Variants in UBR3 observed in about 807,000 individuals in gnomAD.
The protein encoded by UBR3 is E3 ubiquitin-protein ligase UBR3.
In UBR3, 85 loss-of-function variants were observed where a neutral mutation model predicts 243.2. That is an observed-to-expected ratio of 0.35 (90% CI 0.29 to 0.42). The LOEUF (loss-of-function observed/expected upper bound fraction) is 0.42, where lower values mean the gene tolerates loss of function less well. UBR3 is among the 10% of genes least tolerant of loss of function. UBR3 has a pLI of 1.00. For missense variants in UBR3, 1,686 were observed against 2,300.8 expected (o/e 0.73, Z 5.47); for synonymous variants, 748 against 799.8 (o/e 0.94, Z 1.09).
At chr2:169,889,567 C>G (rs2105322897) in intron 5 of UBR3, among the ~76,000 whole-genome samples, 1 of 152,188 alleles carries the variant, frequency 6.6e-6, no homozygotes, top group African/African-American at 2.4e-5. Context: ...ATATTTCTTT[C>G]TGGTGAATTT....
At chr2:170,044,649 C>T (rs574703221) in intron 32 of UBR3, among the ~76,000 whole-genome samples, 7 of 152,152 alleles carry the variant, frequency 4.6e-5, no homozygotes, top group Non-Finnish European at 8.8e-5. Flanking sequence ...AAAGAAGAAA[C>T]CAAATTAACA....
chr2:170,058,793 G>A (rs2091396985), intron 33 of UBR3, among the ~76,000 whole-genome samples: 1 of 152,146 alleles, frequency 6.6e-6, no homozygotes, highest in Admixed American at 6.5e-5. Context: ...TGGGATTACA[G>A]GCGTGAGCCA....
At chr2:169,879,963 G>T (rs944162867) in intron 5 of UBR3, among the ~76,000 whole-genome samples, 1 of 152,154 alleles carries the variant, frequency 6.6e-6, no homozygotes, top group East Asian at 1.9e-4. Flanking sequence ...GGAGGGGAAT[G>T]GTGGAAGTAA....
chr2:170,065,290 T>C (rs909215285), intron 35 of UBR3, among the ~76,000 whole-genome samples: 4 of 151,886 alleles, frequency 2.6e-5, no homozygotes, highest in Non-Finnish European at 5.9e-5. Flanking sequence ...TAATACTTTT[T>C]TTGGGTGGGC....
chr2:169,905,312 T>G lies in UBR3; in HGVS notation c.1645+19T>G. 1 of 1,449,464 alleles carries G rather than the reference T, an allele frequency of 6.9e-7. No individual in the cohort carries two copies. The highest frequency in any genetic ancestry group is 9.1e-7 in the Non-Finnish European group (1 of 1,100,352). 89.8% of individuals were successfully genotyped at this position (1,449,464 alleles called of 1,614,324 possible). On this transcript the variant is annotated intron_variant, in intron 9 of 38. Coordinates refer to ENST00000272793, the MANE Select transcript of UBR3 (RefSeq NM_172070.4). ...TTTCAAGGTATGAATTTTATCCCTT[T>G]GTTAATTTTTTGGTTTACAAAATTC...
At chr2:170,055,278 C>T (rs573433580) in intron 32 of UBR3, among the ~76,000 whole-genome samples, 182 bp from the exon 33 acceptor site, 4 of 152,304 alleles carry the variant, frequency 2.6e-5, no homozygotes, top group African/African-American at 7.2e-5. Flanking sequence ...TGCCACTGTA[C>T]TCCAGGCACC....
intron 3 of UBR3, 134 bp downstream of exon 3, chr2:169,876,083 TC>T (rs759987944): frequency 8.6e-5 from 64 of 743,596 alleles, no homozygotes; most frequent in Non-Finnish European, 7.2e-5. Context: ...TAAGAGAACT[TC>T]TTTTTTTTTT....
chr2:170,034,983 C>G (rs1424918271), intron 31 of UBR3, among the ~76,000 whole-genome samples: 1 of 148,952 alleles, frequency 6.7e-6, no homozygotes, highest in African/African-American at 2.6e-5. Context: ...GGTGAGGTAT[C>G]TGTTAATGCC....
rs1161133960 is a variant in UBR3 at position 170,077,616 on chromosome 2, C to CA, written c.5200-2197dup. 8 of 479,294 alleles carry CA rather than the reference C, an allele frequency of 1.7e-5. No homozygotes were observed. The Admixed American group carries it at 3.1e-4, about 19-fold the overall frequency. The allele number at this position is 479,294 out of a possible 1,614,324, so 29.7% of individuals were successfully genotyped here. On this transcript the variant is annotated intron_variant, in intron 36 of 38. Coordinates refer to ENST00000272793, the MANE Select transcript of UBR3 (RefSeq NM_172070.4). ...TTGGAATAACTTTGAGACAGAGTCTCACTCTGTTGCCCAGGCTTGAGTGCA... is the reference window on the plus strand; with the variant it reads ...TTGGAATAACTTTGAGACAGAGTCTCAACTCTGTTGCCCAGGCTTGAGTGCA...
At chr2:169,953,620 C>T (rs1357397531) in intron 23 of UBR3, among the ~76,000 whole-genome samples, 1 of 152,156 alleles carries the variant, frequency 6.6e-6, no homozygotes, top group Non-Finnish European at 1.5e-5. Flanking sequence ...ATTAAGAAAA[C>T]ATTCACAACA....
intron 32 of UBR3, among the ~76,000 whole-genome samples, chr2:170,042,886 G>GTGTT (rs1206094389): frequency 1.3e-5 from 2 of 151,802 alleles, no homozygotes; most frequent in Non-Finnish European, 2.9e-5. Context: ...TTAATCATTT[G>GTGTT]TGTTTATAGA....
chr2:169,928,036 T>C (rs2085974760), intron 17 of UBR3, among the ~76,000 whole-genome samples: 1 of 152,238 alleles, frequency 6.6e-6, no homozygotes. Context: ...CTTATGACTA[T>C]GTTTGGAAGA....
intron 3 of UBR3, among the ~76,000 whole-genome samples, chr2:169,876,477 G>C (rs1207276569): frequency 6.6e-6 from 1 of 152,028 alleles, no homozygotes; most frequent in African/African-American, 2.4e-5. Context: ...GTTGGTACTG[G>C]AACCTAGGTC....
chr2:170,001,912 C>CAAAA lies in UBR3; in HGVS notation c.4029+525_4029+528dup, dbSNP rs71006062. ...TGGGCAACAGAGAGAGACTCCATCT[C>CAAAA]AAAAAAAAAAAAAAAAAAAAAAAAA... On this transcript the variant is annotated intron_variant, in intron 27 of 38. Coordinates refer to ENST00000272793, the MANE Select transcript of UBR3 (RefSeq NM_172070.4). Among the ~76,000 whole-genome samples, 431 of 67,454 alleles carry CAAAA rather than the reference C, an allele frequency of 6.4e-3. 12 individuals carry two copies. The highest frequency in any genetic ancestry group is 9.9e-3 in the African/African-American group (140 of 14,096). The allele number at this position is 67,454 out of a possible 152,430, so 44.3% of individuals were successfully genotyped here.
At position 169,838,386 on chromosome 2, in the gene UBR3, T is replaced by TG. The variant is rs1491308979; in HGVS notation, c.545+10334_545+10335insG. ...AGCTGGGAAGTCCAAGATTAAGGCA[T>TG]TTGTGTGTGTGTGTGTGTGTGTGTG... On this transcript the variant is annotated intron_variant, in intron 1 of 38. Coordinates refer to ENST00000272793, the MANE Select transcript of UBR3 (RefSeq NM_172070.4). 5.3e-3 allele frequency among the ~76,000 whole-genome samples: 432 copies of TG among 82,218 alleles called. 9 individuals carry two copies. Among genetic ancestry groups the TG allele is most frequent in the African/African-American group, 0.018 (409 of 23,158 alleles). The allele number at this position is 82,218 out of a possible 152,430, so 53.9% of individuals were successfully genotyped here. A position where few individuals can be genotyped will look rare whatever the true frequency, so the allele number is the denominator to read the frequency against.
intron 7 of UBR3, 30 bp from the exon 8 acceptor site, chr2:169,896,477 G>GT: frequency 2.2e-6 from 3 of 1,379,476 alleles, no homozygotes; most frequent in South Asian, 3.0e-5. Context: ...AAACTAATGT[G>GT]TTTTTTCCTT....
At chr2:170,006,943 C>T (rs1216600917) in intron 27 of UBR3, 47 bp from the exon 28 acceptor site, 3 of 1,549,260 alleles carry the variant, frequency 1.9e-6, no homozygotes, top group Non-Finnish European at 1.8e-6. Flanking sequence ...TTTTTGTTTT[C>T]TATGAATGTG....
At chr2:170,056,365 T>C (rs1330553565) in intron 33 of UBR3, among the ~76,000 whole-genome samples, 1 of 152,178 alleles carries the variant, frequency 6.6e-6, no homozygotes, top group Non-Finnish European at 1.5e-5. Flanking sequence ...TGTTAGAATA[T>C]GTACAAGTTC....
At chr2:169,907,560 G>C (rs2085066321) in intron 10 of UBR3, among the ~76,000 whole-genome samples, 2 of 151,932 alleles carry the variant, frequency 1.3e-5, no homozygotes, top group Admixed American at 1.3e-4. Context: ...TTTCTTAACT[G>C]GTTTTCGTGT....
Sources: gnomAD v4.1 joint callset for allele counts (sites outside exome capture counted in the v4.1 genomes callset) on GRCh38, gnomAD v4.1.1 for gene constraint, MANE v1.5 for transcripts, NCBI Gene and HGNC (gene_info 2026-07-23, HGNC 2026-07-21) for gene names.